Variants in CERT1 observed in about 807,000 individuals in gnomAD.
CERT1 encodes ceramide transfer protein.
A neutral mutation model predicts 87.9 loss-of-function variants in CERT1; 31 were observed. That is an observed-to-expected ratio of 0.35 (90% CI 0.27 to 0.48). CERT1 has a LOEUF of 0.48. Among genes scored for constraint, CERT1 ranks in the 20% least tolerant of loss-of-function variants. The pLI, the probability that CERT1 is intolerant of heterozygous loss-of-function variation, is 0.99. For synonymous variants in CERT1, 289 were observed against 250.9 expected, an observed-to-expected ratio of 1.15 and a Z score of -1.44; for missense variants, 487 against 758.0, an observed-to-expected ratio of 0.64 and a Z score of 4.20.
chr5:75,421,791 A>G (rs1293986434), intron 5 of CERT1, among the ~76,000 whole-genome samples: 2 of 152,150 alleles, frequency 1.3e-5, no homozygotes, highest in Non-Finnish European at 2.9e-5. Context: ...GCATCATATC[A>G]ATGAAAAGTT....
chr5:75,387,702 AT>A (rs1017096936), intron 12 of CERT1, among the ~76,000 whole-genome samples: 148 of 151,472 alleles, frequency 9.8e-4, no homozygotes, highest in African/African-American at 3.4e-3. Flanking sequence ...AGATCATGCC[AT>A]TGCACTCCAG....
At chr5:75,491,329 C>G (rs1766786404) in intron 2 of CERT1, among the ~76,000 whole-genome samples, 1 of 151,868 alleles carries the variant, frequency 6.6e-6, no homozygotes, top group African/African-American at 2.4e-5. Flanking sequence ...TTTCCTTGAC[C>G]ATCCAATTTC....
intron 1 of CERT1, among the ~76,000 whole-genome samples, chr5:75,509,701 T>C (rs954444777): frequency 6.6e-6 from 1 of 151,962 alleles, no homozygotes; most frequent in Non-Finnish European, 1.5e-5. Flanking sequence ...CACATCACAA[T>C]ACTAATATGG....
At chr5:75,459,823 C>T (rs978949884) in intron 2 of CERT1, among the ~76,000 whole-genome samples, 2 of 151,750 alleles carry the variant, frequency 1.3e-5, no homozygotes, top group African/African-American at 2.4e-5. Flanking sequence ...ATCAGCTGGG[C>T]GTGGTGGTGG....
At chr5:75,461,704 G>A (rs538176483) in intron 2 of CERT1, among the ~76,000 whole-genome samples, 30 of 152,056 alleles carry the variant, frequency 2.0e-4, no homozygotes, top group African/African-American at 7.0e-4. Context: ...TGCAGACAAG[G>A]GAGCCATTTC....
intron 2 of CERT1, among the ~76,000 whole-genome samples, chr5:75,503,503 T>C (rs1767481077): frequency 6.6e-6 from 1 of 152,008 alleles, no homozygotes; most frequent in Non-Finnish European, 1.5e-5. Flanking sequence ...AATTCAGTTA[T>C]ATTTTTAATT....
chr5:75,400,403 TTAGTGCTTA>T, intron 9 of CERT1, 106 bp from the exon 10 acceptor site: 1 of 720,704 alleles, frequency 1.4e-6, no homozygotes, highest in Non-Finnish European at 2.4e-6. Flanking sequence ...AGTGAACGCC[TTAGTGCTTA>T]TAACCATTAG....
intron 1 of CERT1, among the ~76,000 whole-genome samples, chr5:75,509,198 C>A (rs1306421109): frequency 6.6e-6 from 1 of 152,048 alleles, no homozygotes; most frequent in Non-Finnish European, 1.5e-5. Context: ...TGTACCGGGA[C>A]TTATTTACAT....
At chr5:75,437,388 C>T (rs536351265) in intron 3 of CERT1, among the ~76,000 whole-genome samples, 1 of 152,226 alleles carries the variant, frequency 6.6e-6, no homozygotes, top group South Asian at 2.1e-4. Flanking sequence ...GTGGAGGCTA[C>T]GAGTTTAGTA....
At chr5:75,368,894 T>C (rs950334339) in intron 17 of CERT1, 1 of 152,116 alleles carries the variant, frequency 6.6e-6, no homozygotes, top group African/African-American at 2.4e-5. Context: ...CCACTGCAAG[T>C]TGAAAATAAC....
At chr5:75,473,232 T>C (rs760913635) in intron 2 of CERT1, among the ~76,000 whole-genome samples, 2 of 152,076 alleles carry the variant, frequency 1.3e-5, no homozygotes, top group Non-Finnish European at 2.9e-5. Context: ...AGGCACATTC[T>C]ACCATGCCTA....
chr5:75,465,683 G>A (rs1459613237), intron 2 of CERT1, among the ~76,000 whole-genome samples: 2 of 152,202 alleles, frequency 1.3e-5, no homozygotes, highest in African/African-American at 2.4e-5. Flanking sequence ...TGTATGGACA[G>A]GACTGCTTCC....
chr5:75,463,132 C>T (rs1765310837), intron 2 of CERT1, among the ~76,000 whole-genome samples: 1 of 150,514 alleles, frequency 6.6e-6, no homozygotes, highest in Non-Finnish European at 1.5e-5. Flanking sequence ...GAAAATATAA[C>T]ATACATAACA....
chr5:75,439,287 C>T (rs1469081560), intron 3 of CERT1, among the ~76,000 whole-genome samples: 1 of 151,558 alleles, frequency 6.6e-6, no homozygotes, highest in African/African-American at 2.4e-5. Context: ...AAGATAAACT[C>T]GTACATTATC....
In CERT1 at chr5:75,511,242, G is replaced by A; in HGVS notation, c.-35C>T. 1.2e-6 allele frequency: 2 copies of A among 1,607,170 alleles called. No homozygotes were observed. Among genetic ancestry groups the A allele is most frequent in the Non-Finnish European group, 1.7e-6 (2 of 1,177,066 alleles). On this transcript the variant is annotated 5_prime_UTR_variant, in exon 1 of 17. Coordinates refer to ENST00000643780, the MANE Select transcript of CERT1 (RefSeq NM_001379029.1). The stretch of plus-strand genomic sequence containing the variant: ...ACAACCGAGCAGGAGACCGGCCCCC[G>A]CTCCCTCAGCTGCGCCGGAGGAGGC...
intron 9 of CERT1, chr5:75,402,768 C>T (rs1381376240): frequency 5.5e-6 from 2 of 363,378 alleles, no homozygotes; most frequent in Non-Finnish European, 1.0e-5. Context: ...CCACTGCATT[C>T]TAGCCTGGGC....
At chr5:75,432,322 G>A (rs1316029702) in intron 3 of CERT1, among the ~76,000 whole-genome samples, 3 of 152,138 alleles carry the variant, frequency 2.0e-5, no homozygotes, top group African/African-American at 7.2e-5. Context: ...CCAAAGTACT[G>A]GGATTACAGG....
intron 3 of CERT1, among the ~76,000 whole-genome samples, chr5:75,440,305 T>G (rs1239682304): frequency 6.6e-6 from 1 of 152,122 alleles, no homozygotes; most frequent in Admixed American, 6.5e-5. Flanking sequence ...TTTTATCATA[T>G]TTCAATGGTC....
chr5:75,498,733 T>C (rs563944856), intron 2 of CERT1, among the ~76,000 whole-genome samples: 1 of 152,340 alleles, frequency 6.6e-6, no homozygotes, highest in East Asian at 1.9e-4. Context: ...GGAGAACCTC[T>C]GCTAGGGCAG....
Sources: gnomAD v4.1 joint callset for allele counts (sites outside exome capture counted in the v4.1 genomes callset) on GRCh38, gnomAD v4.1.1 for gene constraint, MANE v1.5 for transcripts, NCBI Gene and HGNC (gene_info 2026-07-23, HGNC 2026-07-21) for gene names.